Variants in DERA observed in about 807,000 individuals in gnomAD.
DERA encodes deoxyribose-phosphate aldolase.
Under a neutral mutation model 41.1 loss-of-function variants are expected in DERA, and 15 were observed. The ratio of observed to expected loss-of-function variants is 0.37; its 90% CI spans 0.24 to 0.56. The LOEUF (loss-of-function observed/expected upper bound fraction) is 0.56, where lower values mean the gene tolerates loss of function less well. DERA is among the 20% of genes least tolerant of loss of function. The pLI, the probability that DERA is intolerant of heterozygous loss-of-function variation, is 0.81. For missense variants in DERA, 396 were observed against 403.4 expected (o/e 0.98, Z 0.16); for synonymous variants, 139 against 137.4 (o/e 1.01, Z -0.08).
At chr12:16,030,965 A>G (rs899317960) in intron 6 of DERA, among the ~76,000 whole-genome samples, 4 of 152,240 alleles carry the variant, frequency 2.6e-5, no homozygotes, top group African/African-American at 9.6e-5. Flanking sequence ...ATCAGTGTCC[A>G]TGGAATTTGT....
chr12:16,029,746 C>T (rs1949078244), intron 6 of DERA, among the ~76,000 whole-genome samples: 1 of 151,956 alleles, frequency 6.6e-6, no homozygotes, highest in South Asian at 2.1e-4. Flanking sequence ...TACTGCTGGG[C>T]TACTGTTGCT....
intron 4 of DERA, among the ~76,000 whole-genome samples, chr12:15,961,862 G>T (rs1438979083): frequency 6.6e-6 from 1 of 152,180 alleles, no homozygotes; most frequent in East Asian, 1.9e-4. Context: ...TCCTGCCTCA[G>T]CCTCCCAAGT....
intron 1 of DERA, among the ~76,000 whole-genome samples, chr12:15,939,938 T>G (rs1420261005): frequency 6.6e-6 from 1 of 152,238 alleles, no homozygotes; most frequent in Non-Finnish European, 1.5e-5. Context: ...CTTTAGTTGT[T>G]AGACTATGGA....
chr12:15,918,316 A>G lies in DERA; in HGVS notation c.31+6902A>G, dbSNP rs1042578510. 3.9e-5 allele frequency among the ~76,000 whole-genome samples: 6 copies of G among 151,912 alleles called. No individual in the cohort carries two copies. The highest frequency in any genetic ancestry group is 1.4e-4 in the African/African-American group (6 of 41,412). ...GCCTCGCCTCCCTCTGCAGGTGGATACCCTCCTTACCCTGCTTGCGCTTCC... is the reference window on the plus strand; with the variant it reads ...GCCTCGCCTCCCTCTGCAGGTGGATGCCCTCCTTACCCTGCTTGCGCTTCC... On this transcript the variant is annotated intron_variant, in intron 1 of 8. Coordinates refer to ENST00000428559, the MANE Select transcript of DERA (RefSeq NM_015954.4). The surrounding 1 kb of genome is among the most constrained non-coding windows in gnomAD (Gnocchi z 4.3).
rs1408330308 is a variant in DERA, at chr12:15,995,417, G to GATCT, written c.637+12981_637+12982insATCT. Among the ~76,000 whole-genome samples, 4 of 152,086 alleles carry GATCT rather than the reference G, an allele frequency of 2.6e-5. No homozygotes were observed. The highest frequency in any genetic ancestry group is 7.2e-5 in the African/African-American group (3 of 41,418). ...GAGCTAAAAGATCTCTTCTCAGGCT[G>GATCT]CTTCCACTGTTATTTGTGTTTAGCT... On this transcript the variant is annotated intron_variant, in intron 6 of 8. Coordinates refer to ENST00000428559, the MANE Select transcript of DERA (RefSeq NM_015954.4). The surrounding 1 kb of genome is among the most constrained non-coding windows in gnomAD (Gnocchi z 5.1).
At chr12:15,968,958 C>T (rs957577453) in intron 5 of DERA, among the ~76,000 whole-genome samples, 6 of 152,204 alleles carry the variant, frequency 3.9e-5, no homozygotes, top group African/African-American at 1.2e-4. Context: ...CTTCACTTCT[C>T]TCTGCTTCCA....
rs1948249182 is a variant in DERA, at chr12:15,922,166, C to T, written c.31+10752C>T. Among the ~76,000 whole-genome samples, 1 of 152,046 alleles carries T rather than the reference C, an allele frequency of 6.6e-6. No individual in the cohort carries two copies. Among genetic ancestry groups the T allele is most frequent in the Non-Finnish European group, 1.5e-5 (1 of 68,022 alleles). The stretch of plus-strand genomic sequence containing the variant: ...ACTTAGGAGCCCTGCCCTTGAGAAG[C>T]TTACCTTCATCAAATTTTAAAATAT... On this transcript the variant is annotated intron_variant, in intron 1 of 8. Transcript: ENST00000428559. The surrounding 1 kb of genome is among the most constrained non-coding windows in gnomAD (Gnocchi z 4.9).
chr12:16,006,575 G>A (rs1592046916), intron 6 of DERA, among the ~76,000 whole-genome samples: 2 of 152,248 alleles, frequency 1.3e-5, no homozygotes, highest in East Asian at 1.9e-4. Flanking sequence ...ATTTCCACAC[G>A]TCGTACCCGA....
At chr12:15,934,382 C>G (rs973598404) in intron 1 of DERA, among the ~76,000 whole-genome samples, 1 of 152,014 alleles carries the variant, frequency 6.6e-6, no homozygotes, top group African/African-American at 2.4e-5. Context: ...GTCAGGAGAT[C>G]GAGACCATCC....
chr12:15,975,368 C>G (rs1485310351), intron 5 of DERA, among the ~76,000 whole-genome samples: 1 of 152,162 alleles, frequency 6.6e-6, no homozygotes, highest in African/African-American at 2.4e-5. Flanking sequence ...GTTTATCGAT[C>G]TGGGTGGTGC....
In DERA at chr12:16,012,828, A is replaced by C. The variant is rs984300943; in HGVS notation, c.638-19714A>C. Among the ~76,000 whole-genome samples the C allele has an allele frequency of 6.6e-6, 1 of 152,338 alleles. No individual in the cohort carries two copies. Among genetic ancestry groups the C allele is most frequent in the African/African-American group, 2.4e-5 (1 of 41,562 alleles). ...ATAACCACATTAATTAAATGAAGAG[A>C]AACAGGTGAAACAGTAATTATATTT... On this transcript the variant is annotated intron_variant, in intron 6 of 8. Coordinates refer to ENST00000428559, the MANE Select transcript of DERA (RefSeq NM_015954.4). This position sits in a 1 kb window ranked among gnomAD's most constrained non-coding sequence, Gnocchi z 4.1.
rs1218137940 is a variant in DERA at position 15,989,651 on chromosome 12, T to G, written c.637+7215T>G. Among the ~76,000 whole-genome samples, 2 of 152,250 alleles carry G rather than the reference T, an allele frequency of 1.3e-5. No individual in the cohort carries two copies. Among genetic ancestry groups the G allele is most frequent in the Non-Finnish European group, 2.9e-5 (2 of 68,036 alleles). ...TTATGTCTGTTATTCTTCTCTGTTT[T>G]TGTTTTCCCATTAATTTAGAATCAG... On this transcript the variant is annotated intron_variant, in intron 6 of 8. Transcript: ENST00000428559. The surrounding 1 kb of genome is among the most constrained non-coding windows in gnomAD (Gnocchi z 5.2).
intron 6 of DERA, among the ~76,000 whole-genome samples, chr12:16,031,474 C>T (rs754261162): frequency 9.2e-5 from 14 of 152,152 alleles, no homozygotes; most frequent in Non-Finnish European, 1.9e-4. Flanking sequence ...CACAAATCAC[C>T]TAGGAACTTT....
In DERA at chr12:15,943,188, T is replaced by C. The variant is rs1199914660; in HGVS notation, c.32-13748T>C. Among the ~76,000 whole-genome samples, 2 of 152,208 alleles carry C rather than the reference T, an allele frequency of 1.3e-5. No individual in the cohort carries two copies. The highest frequency in any genetic ancestry group is 6.5e-5 in the Admixed American group (1 of 15,284). On this transcript the variant is annotated intron_variant, in intron 1 of 8. Transcript: ENST00000428559. This position sits in a 1 kb window ranked among gnomAD's most constrained non-coding sequence, Gnocchi z 4.5. ...TGTGCTTTGTGAATCTTACAGATGCTTCTGAATCTTTGACTTTTCACTCTC... is the reference window on the plus strand; with the variant it reads ...TGTGCTTTGTGAATCTTACAGATGCCTCTGAATCTTTGACTTTTCACTCTC...
In DERA at chr12:16,035,752, C is replaced by A. The variant is rs1489110781; in HGVS notation, c.751-480C>A. ...TTTGCTGCCAGTTTGGTTAGGGTAA[C>A]CTTGCAGCCTTGCTGATTCTGTCCT... On this transcript the variant is annotated intron_variant, in intron 7 of 8. Coordinates refer to ENST00000428559, the MANE Select transcript of DERA (RefSeq NM_015954.4). The surrounding 1 kb of genome is among the most constrained non-coding windows in gnomAD (Gnocchi z 4.1). 6.6e-6 allele frequency among the ~76,000 whole-genome samples: 1 copy of A among 152,170 alleles called. No individual in the cohort carries two copies. Among genetic ancestry groups the A allele is most frequent in the Non-Finnish European group, 1.5e-5 (1 of 68,040 alleles).
Position 16,000,429 on chromosome 12 carries a change from T to G in DERA, c.637+17993T>G, listed in dbSNP as rs1004220301. The stretch of plus-strand genomic sequence containing the variant: ...ACACATGTAAATCAAAATGCAGAAC[T>G]AATACATTTGTTTTAGTGATTCAGG... On this transcript the variant is annotated intron_variant, in intron 6 of 8. Coordinates refer to ENST00000428559, the MANE Select transcript of DERA (RefSeq NM_015954.4). This position sits in a 1 kb window ranked among gnomAD's most constrained non-coding sequence, Gnocchi z 4.8. Among the ~76,000 whole-genome samples the G allele has an allele frequency of 6.6e-6, 1 of 152,226 alleles. No individual in the cohort carries two copies. Among genetic ancestry groups the G allele is most frequent in the Non-Finnish European group, 1.5e-5 (1 of 68,036 alleles).
chr12:15,973,319 A>C (rs569916348), intron 5 of DERA, among the ~76,000 whole-genome samples: 47 of 147,060 alleles, frequency 3.2e-4, no homozygotes, highest in African/African-American at 1.1e-3. Flanking sequence ...ATGTGACATC[A>C]CTATGCCAGC....
At chr12:15,917,338 CTG>C (rs1356416168) in intron 1 of DERA, among the ~76,000 whole-genome samples, 1 of 152,182 alleles carries the variant, frequency 6.6e-6, no homozygotes, top group Non-Finnish European at 1.5e-5. Context: ...AATTTCCCAA[CTG>C]GAGTTAACTT....
At chr12:15,979,079 A>G (rs1353433299) in intron 5 of DERA, among the ~76,000 whole-genome samples, 3 of 152,246 alleles carry the variant, frequency 2.0e-5, no homozygotes, top group Admixed American at 1.3e-4. Flanking sequence ...ATTTTTGTCT[A>G]CAATACTATA....
Sources: gnomAD v4.1 joint callset for allele counts (sites outside exome capture counted in the v4.1 genomes callset) on GRCh38, gnomAD v4.1.1 for gene constraint, Gnocchi (gnomAD v3.1) non-coding constraint, MANE v1.5 for transcripts, NCBI Gene and HGNC (gene_info 2026-07-23, HGNC 2026-07-21) for gene names.